BPNT2: variants seen among roughly 807,000 people sequenced by gnomAD.
BPNT2 encodes the protein 3'(2'), 5'-bisphosphate nucleotidase 2.
In BPNT2, 11 loss-of-function variants were observed where a neutral mutation model predicts 29.3. The ratio of observed to expected loss-of-function variants is 0.38; its 90% CI spans 0.24 to 0.62. The LOEUF (loss-of-function observed/expected upper bound fraction) is 0.62. BPNT2 is among the 20% of genes least tolerant of loss of function. The probability of loss-of-function intolerance (pLI) is 0.62; values close to 1 mark genes in which losing one functional copy is unlikely to be tolerated. For missense variants in BPNT2, 459 were observed against 473.4 expected, an observed-to-expected ratio of 0.97 and a Z score of 0.28; for synonymous variants, 195 against 187.7, an observed-to-expected ratio of 1.04 and a Z score of -0.32.
At chr8:56,971,789 C>CCT (rs1554539104) in intron 3 of BPNT2, among the ~76,000 whole-genome samples, 1 of 142,124 alleles carries the variant, frequency 7.0e-6, no homozygotes, top group African/African-American at 2.8e-5. Flanking sequence ...ACCACCCCCC[C>CCT]CCCCACAATG....
chr8:56,961,349 T>A lies in BPNT2; in HGVS notation c.*2444A>T, dbSNP rs571215531. 1 of 152,164 alleles carries A rather than the reference T, an allele frequency of 6.6e-6. No homozygotes were observed. Among genetic ancestry groups the A allele is most frequent in the Non-Finnish European group, 1.5e-5 (1 of 68,028 alleles). 9.4% of individuals were successfully genotyped at this position (152,164 alleles called of 1,614,324 possible). ...TGGCACAATGTCTTGTGTAAATAAA[T>A]ATAAATACTGTTCCTAATTCTGCAA... is the stretch of plus-strand genomic sequence containing the variant. On this transcript the variant is annotated 3_prime_UTR_variant, in exon 5 of 5. Transcript: ENST00000262644.
In BPNT2 at chr8:56,993,416, T is replaced by TCGGCCGCGGCCGCGGGCC; in HGVS notation, c.152_169dup (p.Gly51_Ala56dup). 6.4e-7 allele frequency: 1 copy of TCGGCCGCGGCCGCGGGCC among 1,551,214 alleles called. No individual in the cohort carries two copies. The highest frequency in any genetic ancestry group is 8.7e-7 in the Non-Finnish European group (1 of 1,155,362). The stretch of plus-strand genomic sequence containing the variant: ...CTCGCGCAAGTCCACGGTGCCCCCA[T>TCGGCCGCGGCCGCGGGCC]CGGCCGCGGCCGCGGGCCCCGCCGC... On this transcript the variant is annotated inframe_insertion, in exon 1 of 5. Transcript: ENST00000262644.
chr8:56,973,762 T>G (rs1372952032), intron 3 of BPNT2, among the ~76,000 whole-genome samples: 1 of 152,124 alleles, frequency 6.6e-6, no homozygotes, highest in Non-Finnish European at 1.5e-5. Flanking sequence ...GAAGAAAGGT[T>G]CTCATTATTC....
chr8:56,982,569 C>A (rs1806262446), intron 1 of BPNT2, among the ~76,000 whole-genome samples: 1 of 151,958 alleles, frequency 6.6e-6, no homozygotes, highest in African/African-American at 2.4e-5. Context: ...CAATGTGAGA[C>A]AAAAATTTCT....
intron 3 of BPNT2, chr8:56,967,282 G>A (rs1003129056): frequency 6.6e-6 from 3 of 455,936 alleles, no homozygotes; most frequent in East Asian, 1.4e-4. Context: ...AAGAATGATG[G>A]CAGTCTCCTG....
At chr8:56,972,442 AAC>A (rs1354032713) in intron 3 of BPNT2, among the ~76,000 whole-genome samples, 2 of 152,194 alleles carry the variant, frequency 1.3e-5, no homozygotes, top group Non-Finnish European at 2.9e-5. Context: ...GGAAAAAAAA[AAC>A]AAGAAAACTC....
intron 3 of BPNT2, among the ~76,000 whole-genome samples, chr8:56,969,461 C>G (rs1805998630): frequency 6.6e-6 from 1 of 152,062 alleles, no homozygotes; most frequent in Admixed American, 6.6e-5. Context: ...TAAGGGGAAA[C>G]CAAAGATGGG....
chr8:56,979,876 A>G (rs914767234), intron 2 of BPNT2, among the ~76,000 whole-genome samples, 159 bp downstream of exon 2: 4 of 152,230 alleles, frequency 2.6e-5, no homozygotes, highest in African/African-American at 9.6e-5. Context: ...AGTTTCTTCA[A>G]TTATAGGTGT....
At chr8:56,993,064 T>G (rs917987756) in intron 1 of BPNT2, 135 bp downstream of exon 1, 13 of 1,514,324 alleles carry the variant, frequency 8.6e-6, no homozygotes, top group Admixed American at 2.0e-5. Flanking sequence ...TCTGACCTTG[T>G]GCACGTTAAC....
At chr8:56,993,145 C>A in intron 1 of BPNT2, 54 bp downstream of exon 1, 1 of 1,559,130 alleles carries the variant, frequency 6.4e-7, no homozygotes, top group Non-Finnish European at 8.6e-7. Context: ...TAAGAGTCGA[C>A]GGGCCGAGAC....
chr8:56,988,148 T>A (rs1454035116), intron 1 of BPNT2, among the ~76,000 whole-genome samples: 1 of 152,160 alleles, frequency 6.6e-6, no homozygotes, highest in East Asian at 1.9e-4. Context: ...TATAAACAAT[T>A]AAACATGCTG....
chr8:56,993,470 A>C lies in BPNT2; in HGVS notation c.116T>G (p.Phe39Cys), dbSNP rs776502522. Residue 39 changes from phenylalanine (F) to cysteine (C), a missense_variant, in exon 1 of 5, where the codon TTC becomes TGC. Physicochemically the swap from Phe to Cys is radical, Grantham distance 205. Coordinates refer to ENST00000262644, the MANE Select transcript of BPNT2 (RefSeq NM_017813.5). ...SGFLAGRFSL[F>C]GLGGEPGGGA... ...GCCGCCAGGCTCGCCGCCCAGGCCGAAGAGGCTGAAGCGGCCGGCCAAGAA... is the reference window on the plus strand; with the variant it reads ...GCCGCCAGGCTCGCCGCCCAGGCCGCAGAGGCTGAAGCGGCCGGCCAAGAA... 2 of 1,495,374 alleles carry C rather than the reference A, an allele frequency of 1.3e-6. No individual in the cohort carries two copies. The highest frequency in any genetic ancestry group is 2.6e-5 in the South Asian group (2 of 77,932). The allele number at this position is 1,495,374 out of a possible 1,614,324, so 92.6% of individuals were successfully genotyped here.
intron 1 of BPNT2, among the ~76,000 whole-genome samples, chr8:56,981,302 C>A (rs550332797): frequency 9.2e-5 from 14 of 152,330 alleles, no homozygotes; most frequent in African/African-American, 2.9e-4. Context: ...TGTGGTGGCT[C>A]ACGCCTGTAA....
intron 1 of BPNT2, among the ~76,000 whole-genome samples, chr8:56,982,226 T>C (rs1447294275): frequency 1.3e-5 from 2 of 150,218 alleles, no homozygotes; most frequent in East Asian, 3.9e-4. Flanking sequence ...CGGGTTCGAG[T>C]GATTCTCCTG....
chr8:56,971,228 A>G (rs1293943078), intron 3 of BPNT2, among the ~76,000 whole-genome samples: 3 of 151,502 alleles, frequency 2.0e-5, no homozygotes, highest in Non-Finnish European at 4.4e-5. Flanking sequence ...AAGGCAGAAG[A>G]GCAGCTACAA....
chr8:56,978,272 C>T (rs1227838863), intron 2 of BPNT2, 127 bp from the exon 3 acceptor site: 1 of 718,948 alleles, frequency 1.4e-6, no homozygotes, highest in Non-Finnish European at 2.5e-6. Flanking sequence ...AAACAACAAT[C>T]CCTTCAAGCA....
At chr8:56,974,234 A>G (rs1806090026) in intron 3 of BPNT2, among the ~76,000 whole-genome samples, 1 of 152,200 alleles carries the variant, frequency 6.6e-6, no homozygotes, top group Non-Finnish European at 1.5e-5. Flanking sequence ...TTCGCAGTTC[A>G]GTTTTTAAGG....
At chr8:56,969,004 T>G (rs1483168727) in intron 3 of BPNT2, among the ~76,000 whole-genome samples, 1 of 152,082 alleles carries the variant, frequency 6.6e-6, no homozygotes, top group African/African-American at 2.4e-5. Context: ...GAGACTGTCA[T>G]GTGAAGATAG....
At chr8:56,976,577 G>T (rs1324475929) in intron 3 of BPNT2, among the ~76,000 whole-genome samples, 2 of 152,100 alleles carry the variant, frequency 1.3e-5, no homozygotes, top group African/African-American at 4.8e-5. Flanking sequence ...AAGAAAAAAG[G>T]TCAGATAGCA....
Sources: gnomAD v4.1 joint callset for allele counts (sites outside exome capture counted in the v4.1 genomes callset) on GRCh38, gnomAD v4.1.1 for gene constraint, MANE v1.5 for transcripts, NCBI Gene and HGNC (gene_info 2026-07-23, HGNC 2026-07-21) for gene names.